The following RPS14 variants were observed in gnomAD, a reference collection of about 807,000 sequenced individuals.
The protein encoded by RPS14 is ribosomal protein S14, also known as small ribosomal subunit protein uS11.
In RPS14, 1 loss-of-function variant was observed where a neutral mutation model predicts 15.4. The observed-to-expected ratio is 0.07, with a 90% confidence interval of 0.02 to 0.31. The LOEUF is 0.31. Among genes scored for constraint, RPS14 ranks in the 10% least tolerant of loss-of-function variants. The pLI is 1.00. For synonymous variants in RPS14, 68 were observed against 74.4 expected (o/e 0.91, Z 0.44); for missense variants, 69 against 205.5 (o/e 0.34, Z 4.06).
rs1771109223 is a variant in RPS14 at position 150,446,686 on chromosome 5, G to A, written c.311+116C>T. On this transcript the variant is annotated intron_variant, in intron 3 of 4. Coordinates refer to ENST00000407193, the MANE Select transcript of RPS14 (RefSeq NM_005617.4). This position sits in a 1 kb window ranked among gnomAD's most constrained non-coding sequence, Gnocchi z 4.2. ...GGAGCCAATTATTAAGTATGTATAT[G>A]CCTAAAATATCTTGTTCAAGGTCAC... 1 of 1,137,096 alleles carries A rather than the reference G, an allele frequency of 8.8e-7. No homozygotes were observed. The highest frequency in any genetic ancestry group is 1.5e-5 in the African/African-American group (1 of 64,678). 70.4% of individuals were successfully genotyped at this position (1,137,096 alleles called of 1,614,324 possible). A position where few individuals can be genotyped will look rare whatever the true frequency, so the allele number is the denominator to read the frequency against.
In RPS14 at chr5:150,444,310, C is replaced by A; in HGVS notation, c.432G>T (p.Gly144=). The A allele has an allele frequency of 1.2e-6, 2 of 1,610,958 alleles. No individual in the cohort carries two copies. The highest frequency in any genetic ancestry group is 1.7e-6 in the Non-Finnish European group (2 of 1,178,040). Residue 144 remains glycine (G), a synonymous_variant, in exon 5 of 5, where the codon GGG becomes GGT. Transcript: ENST00000407193. Reference sequence around the variant, plus strand: ...TTCACAGACGGCGACCACGGCGACCCCCCTTCCTGCGAGTGCTGTCAGAGG... The same window carrying A: ...TTCACAGACGGCGACCACGGCGACCACCCTTCCTGCGAGTGCTGTCAGAGG... The part of the protein sequence containing the change: ...PIPSDSTRRK[G]GRRGRRL
At position 150,446,676 on chromosome 5, in the gene RPS14, G is replaced by A; in HGVS notation, c.311+126C>T. 1.0e-6 allele frequency: 1 copy of A among 991,222 alleles called. No homozygotes were observed. The highest frequency in any genetic ancestry group is 1.5e-6 in the Non-Finnish European group (1 of 659,898). The allele number at this position is 991,222 out of a possible 1,614,324, so 61.4% of individuals were successfully genotyped here. ...GGTGTACACAGGAGCCAATTATTAAGTATGTATATGCCTAAAATATCTTGT... is the reference window on the plus strand; with the variant it reads ...GGTGTACACAGGAGCCAATTATTAAATATGTATATGCCTAAAATATCTTGT... On this transcript the variant is annotated intron_variant, in intron 3 of 4. Transcript: ENST00000407193. This position sits in a 1 kb window ranked among gnomAD's most constrained non-coding sequence, Gnocchi z 4.2.
chr5:150,444,693 T>A, intron 4 of RPS14: 1 of 502,692 alleles, frequency 2.0e-6, no homozygotes, highest in South Asian at 1.6e-5. Context: ...CTCGTTTTCA[T>A]TAAGTAAAAA....
chr5:150,447,554 C>T (rs1465744789), intron 2 of RPS14, 31 bp downstream of exon 2: 2 of 1,609,992 alleles, frequency 1.2e-6, no homozygotes, highest in South Asian at 1.1e-5. Context: ...AGCCTTTTGC[C>T]AGCTGGATGC....
chr5:150,445,653 G>C lies in RPS14; in HGVS notation c.344C>G (p.Ala115Gly). 6.2e-7 allele frequency: 1 copy of C among 1,610,394 alleles called. No individual in the cohort carries two copies. Among genetic ancestry groups the C allele is most frequent in the Non-Finnish European group, 8.5e-7 (1 of 1,179,188 alleles). Residue 115 changes from alanine to glycine, a missense_variant, in exon 4 of 5, where the codon GCC (alanine) becomes GGC (glycine). Physicochemically the swap from Ala to Gly is moderately conservative, Grantham distance 60 (BLOSUM62 0). Coordinates refer to ENST00000407193, the MANE Select transcript of RPS14 (RefSeq NM_005617.4). ...TKTPGPGAQSALRALARSGMK... is the reference protein window; with the variant it reads ...TKTPGPGAQSGLRALARSGMK... ...ACCCGAGCGGGCAAGGGCTCTGAGG[G>C]CCGACTGGGCCCCAGGTCCAGGGGT...
rs1283481338 is a variant in RPS14, at chr5:150,443,187, T to C, written c.*1099A>G. The stretch of plus-strand genomic sequence containing the variant: ...CTTTTTTTTTTTATTATACTTTAAG[T>C]TTTAGGGTACATGTGCACAACGTGC... On this transcript the variant is annotated 3_prime_UTR_variant, in exon 5 of 5. Transcript: ENST00000407193. The C allele has an allele frequency of 2.7e-5, 4 of 150,332 alleles. No homozygotes were observed. The highest frequency in any genetic ancestry group is 6.8e-3 in the Middle Eastern group (2 of 294). The allele number at this position is 150,332 out of a possible 1,614,324, so 9.3% of individuals were successfully genotyped here.
In RPS14 at chr5:150,447,922, CTG is replaced by C. The variant is rs1282770254; in HGVS notation, c.-2-189_-2-188del. ...CTCCTTGCACTTGGGGGGGTATCAA[CTG>C]TGGCCACATGGCAAAGTACCATGAG... On this transcript the variant is annotated intron_variant, in intron 1 of 4. Transcript: ENST00000407193. The C allele has an allele frequency of 3.7e-5, 23 of 623,922 alleles. No individual in the cohort carries two copies. The African/African-American group carries it at 4.0e-4, about 11-fold the overall frequency. 38.6% of individuals were successfully genotyped at this position (623,922 alleles called of 1,614,324 possible). A position where few individuals can be genotyped will look rare whatever the true frequency, so the allele number is the denominator to read the frequency against.
Position 150,446,880 on chromosome 5 carries a change from G to A in RPS14, c.233C>T (p.Ala78Val). The change falls in exon 3 of 5, where the codon GCC becomes GTC. Residue 78 changes from alanine to valine, a missense_variant. By Grantham distance (64) the Ala-to-Val change is moderately conservative (BLOSUM62 0). Transcript: ENST00000407193. This position sits in a 1 kb window ranked among gnomAD's most constrained non-coding sequence, Gnocchi z 4.2. ...CTTGCACCTCTGGGCCACATCCTGG[G>A]CAGCCAACATAGCAGCATATGGTGA... ...ESSPYAAMLA[A>V]QDVAQRCKEL... 2 of 1,614,194 alleles carry A rather than the reference G, an allele frequency of 1.2e-6. No homozygotes were observed. The highest frequency in any genetic ancestry group is 1.1e-5 in the South Asian group (1 of 91,088).
At position 150,446,292 on chromosome 5, in the gene RPS14, C is replaced by A. The variant is rs770516875; in HGVS notation, c.311+510G>T. On this transcript the variant is annotated intron_variant, in intron 3 of 4. Coordinates refer to ENST00000407193, the MANE Select transcript of RPS14 (RefSeq NM_005617.4). This position sits in a 1 kb window ranked among gnomAD's most constrained non-coding sequence, Gnocchi z 4.2. ...TCTTCCCCTCTGACTGCACCTCATG[C>A]CACTCTTTCCTTCACAGGTGCCCAG... Among the ~76,000 whole-genome samples the A allele has an allele frequency of 6.6e-6, 1 of 151,968 alleles. No individual in the cohort carries two copies. Among genetic ancestry groups the A allele is most frequent in the Non-Finnish European group, 1.5e-5 (1 of 67,996 alleles).
At chr5:150,444,463 A>C in intron 4 of RPS14, 110 bp from the exon 5 acceptor site, 2 of 845,404 alleles carry the variant, frequency 2.4e-6, no homozygotes, top group Non-Finnish European at 2.0e-6. Flanking sequence ...CTGCTCCCCA[A>C]ATGACTCCCC....
At position 150,443,180 on chromosome 5, in the gene RPS14, C is replaced by CT. The variant is rs1194259212; in HGVS notation, c.*1105dup. The stretch of plus-strand genomic sequence containing the variant: ...TTGCAAGCTTTTTTTTTTTATTATA[C>CT]TTTAAGTTTTAGGGTACATGTGCAC... On this transcript the variant is annotated 3_prime_UTR_variant, in exon 5 of 5. Transcript: ENST00000407193. The CT allele has an allele frequency of 1.1e-5, 1 of 93,568 alleles. No individual in the cohort carries two copies. Among genetic ancestry groups the CT allele is most frequent in the African/African-American group, 3.0e-5 (1 of 33,702 alleles). 5.8% of individuals were successfully genotyped at this position (93,568 alleles called of 1,614,324 possible). A position where few individuals can be genotyped will look rare whatever the true frequency, so the allele number is the denominator to read the frequency against.
intron 3 of RPS14, among the ~76,000 whole-genome samples, 172 bp from the exon 4 acceptor site, chr5:150,445,857 A>G (rs1771078557): frequency 6.6e-6 from 1 of 152,210 alleles, no homozygotes; most frequent in South Asian, 2.1e-4. Context: ...TGGGAGGCTA[A>G]GGCAGGGCGG....
Position 150,445,606 on chromosome 5 carries a change from T to C in RPS14, c.388+3A>G. 1 of 1,613,272 alleles carries C rather than the reference T, an allele frequency of 6.2e-7. No individual in the cohort carries two copies. Among genetic ancestry groups the C allele is most frequent in the Non-Finnish European group, 8.5e-7 (1 of 1,179,674 alleles). Reference sequence around the variant, plus strand: ...CAAGCATTAGCTAGAGGGGGGCACTTACCAATCCGCCCGATCTTCATACCC... The same window carrying C: ...CAAGCATTAGCTAGAGGGGGGCACTCACCAATCCGCCCGATCTTCATACCC... On this transcript the variant is annotated splice_donor_region_variant and intron_variant, in intron 4 of 4. Coordinates refer to ENST00000407193, the MANE Select transcript of RPS14 (RefSeq NM_005617.4).
intron 1 of RPS14, chr5:150,448,772 T>C (rs558472143): frequency 6.6e-6 from 1 of 152,432 alleles, no homozygotes; most frequent in East Asian, 1.9e-4. Flanking sequence ...CAGGTGTTCC[T>C]AGATCTCTCC....
chr5:150,444,070 A>T lies in RPS14; in HGVS notation c.*216T>A. On this transcript the variant is annotated 3_prime_UTR_variant, in exon 5 of 5. Transcript: ENST00000407193. ...GGTCTCCAACGCCTTGGTCTGCTTT[A>T]GATGACCAAGGCAACTTAATGCCGC... 1.8e-6 allele frequency: 1 copy of T among 558,180 alleles called. No homozygotes were observed. 34.6% of individuals were successfully genotyped at this position (558,180 alleles called of 1,614,324 possible). A position where few individuals can be genotyped will look rare whatever the true frequency, so the allele number is the denominator to read the frequency against.
At position 150,444,248 on chromosome 5, in the gene RPS14, G is replaced by A. The variant is rs569735459; in HGVS notation, c.*38C>T. 2 of 1,592,364 alleles carry A rather than the reference G, an allele frequency of 1.3e-6. No homozygotes were observed. The highest frequency in any genetic ancestry group is 4.5e-5 in the East Asian group (2 of 44,304). ...CTGGAGTTGAAACAGTTTACATGAA[G>A]GCAATTTATTAACAGAAAATATTTT... is the stretch of plus-strand genomic sequence containing the variant. On this transcript the variant is annotated 3_prime_UTR_variant, in exon 5 of 5. Transcript: ENST00000407193.
intron 2 of RPS14, chr5:150,447,269 G>GC (rs1771128785): frequency 1.9e-6 from 1 of 528,510 alleles, no homozygotes; most frequent in African/African-American, 1.9e-5. Context: ...GTCACAACTT[G>GC]CTAAATGGCC....
In RPS14 at chr5:150,442,947, CTCGGCT is replaced by C. The variant is rs1372454301; in HGVS notation, c.*1333_*1338del. 2 of 152,238 alleles carry C rather than the reference CTCGGCT, an allele frequency of 1.3e-5. No homozygotes were observed. The highest frequency in any genetic ancestry group is 2.9e-5 in the Non-Finnish European group (2 of 68,078). The allele number at this position is 152,238 out of a possible 1,614,324, so 9.4% of individuals were successfully genotyped here. The stretch of plus-strand genomic sequence containing the variant: ...TCCTGGGCTCAATCCGTCCTCCTGT[CTCGGCT>C]TCCCAAAGTGTTGGGATTATAGGCG... On this transcript the variant is annotated 3_prime_UTR_variant, in exon 5 of 5. Transcript: ENST00000407193.
rs1168636510 is a variant in RPS14, at chr5:150,443,739, CTTTTT to C, written c.*542_*546del. ...AAGCTTCCGGAAAGCAAGAACTTTTCTTTTTTATCGCTGATGAAAATAGGACTTGG... is the reference window on the plus strand; with the variant it reads ...AAGCTTCCGGAAAGCAAGAACTTTTCTATCGCTGATGAAAATAGGACTTGG... On this transcript the variant is annotated 3_prime_UTR_variant, in exon 5 of 5. Coordinates refer to ENST00000407193, the MANE Select transcript of RPS14 (RefSeq NM_005617.4). 11 of 152,202 alleles carry C rather than the reference CTTTTT, an allele frequency of 7.2e-5. No homozygotes were observed. The highest frequency in any genetic ancestry group is 5.2e-4 in the Admixed American group (8 of 15,262). The allele number at this position is 152,202 out of a possible 1,614,324, so 9.4% of individuals were successfully genotyped here.
Sources: gnomAD v4.1 joint callset for allele counts (sites outside exome capture counted in the v4.1 genomes callset) on GRCh38, gnomAD v4.1.1 for gene constraint, Gnocchi (gnomAD v3.1) non-coding constraint, MANE v1.5 for transcripts, NCBI Gene and HGNC (gene_info 2026-07-23, HGNC 2026-07-21) for gene names.